The following LTBP1 variants were observed in gnomAD, a reference collection of about 807,000 sequenced individuals.
LTBP1 encodes the protein latent-transforming growth factor beta-binding protein 1.
Under a neutral mutation model 207.6 loss-of-function variants are expected in LTBP1, and 129 were observed. That is an observed-to-expected ratio of 0.62 (90% confidence interval 0.54 to 0.72). LTBP1 has a LOEUF of 0.72. LTBP1 is among the 30% of genes least tolerant of loss of function. The pLI is 0.00. For synonymous variants in LTBP1, 963 were observed against 833.7 expected, an observed-to-expected ratio of 1.16 and a Z score of -2.67; for missense variants, 2,281 against 2,217.2, an observed-to-expected ratio of 1.03 and a Z score of -0.58.
At chr2:33,102,755 T>TC (rs1389015495) in intron 3 of LTBP1, among the ~76,000 whole-genome samples, 1 of 152,240 alleles carries the variant, frequency 6.6e-6, no homozygotes, top group Admixed American at 6.5e-5. Context: ...GTATGCACTG[T>TC]CCGTATGCAC....
intron 3 of LTBP1, among the ~76,000 whole-genome samples, chr2:33,073,745 G>C (rs2077928342): frequency 6.6e-6 from 1 of 152,040 alleles, no homozygotes; most frequent in Admixed American, 6.5e-5. Context: ...TTGTGCCTCA[G>C]CTTCCTGAGT....
intron 23 of LTBP1, among the ~76,000 whole-genome samples, chr2:33,312,252 G>A (rs2094198615): frequency 6.6e-6 from 1 of 152,148 alleles, no homozygotes; most frequent in East Asian, 1.9e-4. Flanking sequence ...AATAACCATG[G>A]ACATGTTTGA....
At chr2:33,336,915 T>C (rs1486668037) in intron 24 of LTBP1, among the ~76,000 whole-genome samples, 1 of 152,218 alleles carries the variant, frequency 6.6e-6, no homozygotes, top group Non-Finnish European at 1.5e-5. Flanking sequence ...TTTCAGAATA[T>C]GTACAGATAC....
chr2:33,071,115 T>G (rs971536409), intron 3 of LTBP1, among the ~76,000 whole-genome samples: 3 of 152,134 alleles, frequency 2.0e-5, no homozygotes, highest in African/African-American at 7.2e-5. Flanking sequence ...ATGGCCAGGG[T>G]TGAGGGCCAC....
intron 24 of LTBP1, among the ~76,000 whole-genome samples, chr2:33,321,925 C>G (rs1021881361): frequency 3.3e-5 from 5 of 152,178 alleles, no homozygotes; most frequent in Non-Finnish European, 7.3e-5. Context: ...TGTTCACACT[C>G]ACTCTTCCTG....
chr2:33,159,074 G>A (rs921680738), intron 5 of LTBP1, among the ~76,000 whole-genome samples: 8 of 152,224 alleles, frequency 5.3e-5, no homozygotes, highest in Admixed American at 4.6e-4. Flanking sequence ...GGGGGCCTAG[G>A]GTCTGCCTAA....
At chr2:33,321,043 A>C (rs771667209) in intron 24 of LTBP1, among the ~76,000 whole-genome samples, 21 of 152,090 alleles carry the variant, frequency 1.4e-4, no homozygotes, top group Non-Finnish European at 2.9e-4. Context: ...CTTCTCTTGG[A>C]TGATGATGGT....
intron 2 of LTBP1, among the ~76,000 whole-genome samples, chr2:33,005,846 C>A (rs1463485920): frequency 6.6e-6 from 1 of 152,182 alleles, no homozygotes; most frequent in African/African-American, 2.4e-5. Flanking sequence ...CTTGACCTCC[C>A]AGACTGTTAG....
chr2:33,319,574 C>T (rs974190633), intron 24 of LTBP1, among the ~76,000 whole-genome samples: 22 of 152,102 alleles, frequency 1.4e-4, no homozygotes, highest in African/African-American at 4.8e-4. Context: ...TGATCTCTGA[C>T]TTTGTGTCAC....
chr2:33,325,047 T>C (rs979864163), intron 24 of LTBP1, among the ~76,000 whole-genome samples: 9 of 152,210 alleles, frequency 5.9e-5, no homozygotes, highest in African/African-American at 2.2e-4. Context: ...ATATAGAATA[T>C]AGTGTAGTAA....
chr2:33,363,992 C>G (rs2094955253), intron 29 of LTBP1, among the ~76,000 whole-genome samples: 2 of 152,220 alleles, frequency 1.3e-5, no homozygotes, highest in Non-Finnish European at 1.5e-5. Flanking sequence ...TGTTTTCTTT[C>G]CTTATTTAAT....
At chr2:33,318,874 T>C (rs1013855730) in intron 24 of LTBP1, among the ~76,000 whole-genome samples, 2 of 152,204 alleles carry the variant, frequency 1.3e-5, no homozygotes, top group African/African-American at 4.8e-5. Context: ...GGAATTTTAA[T>C]TCACATGAAA....
intron 5 of LTBP1, among the ~76,000 whole-genome samples, chr2:33,150,710 C>CTTTTTTTTTTTTTTTTTTTTTT (rs1176008947): frequency 5.8e-5 from 4 of 69,278 alleles, no homozygotes; most frequent in East Asian, 4.3e-4. Context: ...TTTTCTTTTT[C>CTTTTTTTTTTTTTTTTTTTTTT]TTTTTTTTTT....
chr2:33,357,389 AAC>A, intron 26 of LTBP1, among the ~76,000 whole-genome samples: 1 of 152,296 alleles, frequency 6.6e-6, no homozygotes, highest in South Asian at 2.1e-4. Flanking sequence ...AAGATGAAAA[AAC>A]ACAGAGAATA....
intron 1 of LTBP1, 124 bp downstream of exon 1, chr2:32,947,942 T>C: frequency 3.7e-6 from 3 of 807,654 alleles, no homozygotes; most frequent in Non-Finnish European, 5.0e-6. Context: ...GTGGGTCGGC[T>C]TTCTCCTCCC....
intron 3 of LTBP1, among the ~76,000 whole-genome samples, chr2:33,069,550 G>A (rs2077684004): frequency 6.6e-6 from 1 of 152,166 alleles, no homozygotes; most frequent in South Asian, 2.1e-4. Flanking sequence ...GTTACCTGCT[G>A]ACCTTGAAAC....
At chr2:33,227,643 T>G (rs2091514849) in intron 9 of LTBP1, among the ~76,000 whole-genome samples, 1 of 152,072 alleles carries the variant, frequency 6.6e-6, no homozygotes, top group Non-Finnish European at 1.5e-5. Flanking sequence ...ACATTATATG[T>G]TGTTGTTCAC....
At chr2:33,246,509 G>A (rs116466701) in intron 10 of LTBP1, among the ~76,000 whole-genome samples, 17 of 147,196 alleles carry the variant, frequency 1.2e-4, no homozygotes, top group African/African-American at 4.3e-4. Flanking sequence ...ACACACACAG[G>A]CACTCAACAC....
At chr2:32,963,775 A>G (rs905996806) in intron 2 of LTBP1, among the ~76,000 whole-genome samples, 2 of 152,140 alleles carry the variant, frequency 1.3e-5, no homozygotes, top group African/African-American at 4.8e-5. Context: ...ACTTTCCCAC[A>G]CACCTACCAA....
Sources: gnomAD v4.1 joint callset for allele counts (sites outside exome capture counted in the v4.1 genomes callset) on GRCh38, gnomAD v4.1.1 for gene constraint, MANE v1.5 for transcripts, NCBI Gene and HGNC (gene_info 2026-07-23, HGNC 2026-07-21) for gene names.